The following TESC variants were observed in gnomAD, a reference collection of about 807,000 sequenced individuals.
TESC encodes the protein calcineurin B homologous protein 3.
Under a neutral mutation model 31.0 loss-of-function variants are expected in TESC, and 19 were observed. The observed-to-expected ratio is 0.61, with a 90% CI of 0.43 to 0.90. TESC has a LOEUF of 0.90. TESC is among the 40% of genes least tolerant of loss of function. The probability of loss-of-function intolerance (pLI) is 0.00; values close to 1 mark genes in which losing one functional copy is unlikely to be tolerated. For missense variants in TESC, 248 were observed against 303.8 expected, an observed-to-expected ratio of 0.82 and a Z score of 1.36; for synonymous variants, 109 against 114.8, an observed-to-expected ratio of 0.95 and a Z score of 0.32.
Position 117,042,551 on chromosome 12 carries a change from G to A in TESC, c.520-557C>T, listed in dbSNP as rs117915897. 1.4e-3 allele frequency among the ~76,000 whole-genome samples: 213 copies of A among 149,450 alleles called. 1 individual carries two copies. The highest frequency in any genetic ancestry group is 2.5e-3 in the Non-Finnish European group (170 of 67,504). ...CACGCCTCATGCCTCGTGAGTCACC[G>A]TGATAACTCAGGGCCACTGGGGAGG... is the stretch of plus-strand genomic sequence containing the variant. On this transcript the variant is annotated intron_variant, in intron 6 of 7. Coordinates refer to ENST00000335209, the MANE Select transcript of TESC (RefSeq NM_017899.4).
intron 6 of TESC, among the ~76,000 whole-genome samples, chr12:117,045,778 C>G (rs1014612462): frequency 1.3e-5 from 2 of 152,198 alleles, no homozygotes; most frequent in Non-Finnish European, 2.9e-5. Flanking sequence ...CACACAGGGG[C>G]AAAGGGCTGA....
intron 1 of TESC, among the ~76,000 whole-genome samples, chr12:117,078,931 A>G (rs955134981): frequency 3.3e-5 from 5 of 152,208 alleles, no homozygotes; most frequent in Non-Finnish European, 7.4e-5. Context: ...GCTATTAATA[A>G]GTCATTCACT....
chr12:117,096,961 C>T (rs185700387), intron 1 of TESC, among the ~76,000 whole-genome samples: 124 of 152,302 alleles, frequency 8.1e-4, no homozygotes, highest in South Asian at 4.8e-3. Flanking sequence ...GGAGGACCTC[C>T]GGATCCACCC....
At chr12:117,084,887 C>A (rs184004617) in intron 1 of TESC, among the ~76,000 whole-genome samples, 1 of 152,348 alleles carries the variant, frequency 6.6e-6, no homozygotes, top group Non-Finnish European at 1.5e-5. Context: ...CCCTGAGGGG[C>A]ACCCCCAAGG....
intron 1 of TESC, among the ~76,000 whole-genome samples, chr12:117,078,840 G>GAC (rs1955107503): frequency 1.3e-5 from 2 of 152,150 alleles, no homozygotes; most frequent in African/African-American, 4.8e-5. Context: ...AATGTACAAT[G>GAC]TATATGTATT....
intron 6 of TESC, among the ~76,000 whole-genome samples, chr12:117,044,535 G>A (rs900627496): frequency 3.9e-5 from 6 of 152,164 alleles, no homozygotes; most frequent in African/African-American, 1.4e-4. Flanking sequence ...AAGCAGCCCC[G>A]GCTGAATGCC....
At chr12:117,086,339 T>G (rs990443855) in intron 1 of TESC, among the ~76,000 whole-genome samples, 1 of 152,146 alleles carries the variant, frequency 6.6e-6, no homozygotes, top group Non-Finnish European at 1.5e-5. Context: ...TGACCTCAAG[T>G]GATCTGCCCA....
intron 1 of TESC, among the ~76,000 whole-genome samples, chr12:117,096,413 G>A (rs1329254787): frequency 3.9e-5 from 6 of 152,154 alleles, no homozygotes; most frequent in Admixed American, 6.6e-5. Context: ...CGTCTCGCAC[G>A]TAACCTTATC....
intron 1 of TESC, 121 bp from the exon 2 acceptor site, chr12:117,075,461 T>A: frequency 1.0e-6 from 1 of 1,001,960 alleles, no homozygotes; most frequent in African/African-American, 1.6e-5. Flanking sequence ...TCTCAAAGCA[T>A]CTCCCACCAT....
At chr12:117,086,691 G>C (rs1436500843) in intron 1 of TESC, among the ~76,000 whole-genome samples, 1 of 152,146 alleles carries the variant, frequency 6.6e-6, no homozygotes. Context: ...TTCCACCTCA[G>C]CCTCCCAAAG....
intron 1 of TESC, among the ~76,000 whole-genome samples, chr12:117,075,909 A>G (rs1434981088): frequency 0.042 from 2,540 of 61,158 alleles, 212 homozygotes; most frequent in African/African-American, 0.18. Flanking sequence ...ATATATATAT[A>G]TATATGTGTG....
At position 117,039,207 on chromosome 12, in the gene TESC, A is replaced by G. The variant is rs1456410191; in HGVS notation, c.571T>C (p.Trp191Arg). 2 of 1,613,532 alleles carry G rather than the reference A, an allele frequency of 1.2e-6. No homozygotes were observed. The highest frequency in any genetic ancestry group is 1.3e-5 in the African/African-American group (1 of 74,942). Residue 191 changes from tryptophan to arginine, a missense_variant, in exon 8 of 8, where the codon TGG becomes CGG. Trp to Arg is a moderately radical substitution (Grantham distance 101, BLOSUM62 -3). Transcript: ENST00000335209. ...GITFEDFLKI[W>R]QGIDIETKMH... ...TTGGTCTCAATGTCGATCCCCTGCCAGATCTGGAAGGGACGGAGCAGCGTT... is the reference window on the plus strand; with the variant it reads ...TTGGTCTCAATGTCGATCCCCTGCCGGATCTGGAAGGGACGGAGCAGCGTT...
intron 2 of TESC, among the ~76,000 whole-genome samples, chr12:117,073,925 A>T (rs1955014305): frequency 6.6e-6 from 1 of 151,902 alleles, no homozygotes; most frequent in Admixed American, 6.6e-5. Context: ...AAAAAAAAAA[A>T]TACAAAACAA....
chr12:117,090,728 G>A (rs1593026817), intron 1 of TESC, among the ~76,000 whole-genome samples: 1 of 148,538 alleles, frequency 6.7e-6, no homozygotes, highest in African/African-American at 2.6e-5. Context: ...GAGGTCCTTG[G>A]GGGGATGCAG....
In TESC at chr12:117,042,310, G is replaced by A. The variant is rs142273738; in HGVS notation, c.520-316C>T. ...TCCCCCAGCCCCCCAGGGAGAATCC[G>A]AGGTGTGGGTGACATGAGGGCATGG... is the stretch of plus-strand genomic sequence containing the variant. On this transcript the variant is annotated intron_variant, in intron 6 of 7. Coordinates refer to ENST00000335209, the MANE Select transcript of TESC (RefSeq NM_017899.4). Among the ~76,000 whole-genome samples, 13 of 152,034 alleles carry A rather than the reference G, an allele frequency of 8.6e-5. No homozygotes were observed. The South Asian group carries it at 2.1e-3, about 24-fold the overall frequency.
chr12:117,086,047 C>T (rs1348629399), intron 1 of TESC, among the ~76,000 whole-genome samples: 1 of 152,168 alleles, frequency 6.6e-6, no homozygotes, highest in Non-Finnish European at 1.5e-5. Flanking sequence ...CAAGGCCAGC[C>T]TACTGCAGGA....
chr12:117,057,112 T>C (rs558233147), intron 2 of TESC, among the ~76,000 whole-genome samples: 2 of 152,278 alleles, frequency 1.3e-5, no homozygotes, highest in South Asian at 4.1e-4. Context: ...AAGATACTTT[T>C]CTTTTTTGAG....
intron 2 of TESC, among the ~76,000 whole-genome samples, chr12:117,074,508 T>G (rs1179705660): frequency 6.6e-6 from 1 of 152,122 alleles, no homozygotes; most frequent in Admixed American, 6.5e-5. Flanking sequence ...TTAACAGAAA[T>G]TTGAGGCGGC....
intron 3 of TESC, among the ~76,000 whole-genome samples, chr12:117,051,143 G>T (rs189725693): frequency 6.6e-6 from 1 of 152,304 alleles, no homozygotes; most frequent in African/African-American, 2.4e-5. Context: ...AACAGTTAGT[G>T]GTTAGTGCTT....
Sources: allele counts gnomAD v4.1 joint callset (sites outside exome capture counted in the v4.1 genomes callset), GRCh38; gene constraint gnomAD v4.1.1; transcripts MANE v1.5; gene names NCBI Gene and HGNC (gene_info 2026-07-23, HGNC 2026-07-21).